The following CCDC3 variants were observed in gnomAD, a reference collection of about 807,000 sequenced individuals.
CCDC3 encodes coiled-coil domain-containing protein 3.
Under a neutral mutation model 21.4 loss-of-function variants are expected in CCDC3, and 24 were observed. The observed-to-expected ratio is 1.12, with a 90% CI of 0.81 to 1.58. The LOEUF (loss-of-function observed/expected upper bound fraction) is 1.58. Among genes scored for constraint, CCDC3 ranks in the 40% most tolerant of loss-of-function variants. CCDC3 has a pLI of 0.00. For missense variants in CCDC3, 425 were observed against 360.9 expected (o/e 1.18, Z -1.44); for synonymous variants, 186 against 166.0 (o/e 1.12, Z -0.93).
intron 2 of CCDC3, among the ~76,000 whole-genome samples, chr10:12,915,093 T>C (rs763566246): frequency 3.3e-5 from 5 of 152,150 alleles, no homozygotes; most frequent in Non-Finnish European, 7.4e-5. Flanking sequence ...CTTTGACCCA[T>C]TGGTGTTCAG....
At chr10:13,080,956 G>A (rs1237520846) in intron 3 of CCDC3, among the ~76,000 whole-genome samples, 3 of 152,208 alleles carry the variant, frequency 2.0e-5, no homozygotes, top group African/African-American at 4.8e-5. Flanking sequence ...CAGAGAGGCC[G>A]AGACCTCGAG....
At chr10:13,090,450 T>C (rs762485383) in intron 3 of CCDC3, among the ~76,000 whole-genome samples, 3 of 152,198 alleles carry the variant, frequency 2.0e-5, no homozygotes, top group Non-Finnish European at 4.4e-5. Context: ...ATTTTTGCAA[T>C]TGCAAATTGT....
chr10:12,948,904 T>TG (rs397767169), intron 2 of CCDC3, among the ~76,000 whole-genome samples: 5 of 150,966 alleles, frequency 3.3e-5, no homozygotes, highest in Admixed American at 6.6e-5. Flanking sequence ...GCTAATTTTT[T>TG]GTATTTTTAG....
At chr10:13,016,007 C>G (rs1836053727) in intron 5 of CCDC3, among the ~76,000 whole-genome samples, 1 of 151,910 alleles carries the variant, frequency 6.6e-6, no homozygotes. Context: ...CCTATATATC[C>G]TGATGTGAGT....
At chr10:12,960,852 G>A (rs1436610129) in intron 2 of CCDC3, among the ~76,000 whole-genome samples, 1 of 152,192 alleles carries the variant, frequency 6.6e-6, no homozygotes, top group African/African-American at 2.4e-5. Flanking sequence ...AACAAGCAGG[G>A]TAACATGTGG....
intron 2 of CCDC3, among the ~76,000 whole-genome samples, chr10:12,949,062 G>A (rs942036651): frequency 6.6e-6 from 1 of 152,032 alleles, no homozygotes; most frequent in Non-Finnish European, 1.5e-5. Flanking sequence ...CTCAGTAGCT[G>A]GGCCATGAGT....
chr10:13,001,318 G>A lies in CCDC3; in HGVS notation c.253C>T (p.Gln85Ter). 4.4e-6 allele frequency: 7 copies of A among 1,606,346 alleles called. No individual in the cohort carries two copies. The highest frequency in any genetic ancestry group is 5.9e-6 in the Non-Finnish European group (7 of 1,177,610). ...ACCTCCAGCATGCTGCCCCACGCCT[G>A]GTCGCACAGCATCTCGACCTCGGCC... ...YSAEVEMLCD[Q>*]AWGSMLEVPA... Residue 85 changes from glutamine (Q) to a stop codon, truncating the protein, a stop_gained, in exon 1 of 3, where the codon CAG becomes TAG. Coordinates refer to ENST00000378825, the MANE Select transcript of CCDC3 (RefSeq NM_031455.4). LOFTEE classifies it high-confidence loss of function.
At chr10:12,969,076 A>G (rs1265763222) in intron 2 of CCDC3, among the ~76,000 whole-genome samples, 2 of 152,218 alleles carry the variant, frequency 1.3e-5, no homozygotes, top group African/African-American at 4.8e-5. Context: ...AGAAGTTAAT[A>G]TTCAAAACAT....
Position 12,994,421 on chromosome 10 carries a change from A to AAAAAAC in CCDC3, c.549+3916_549+3917insGTTTTT, listed in dbSNP as rs1564313193. 2.4e-4 allele frequency among the ~76,000 whole-genome samples: 35 copies of AAAAAAC among 148,432 alleles called. 2 individuals are homozygous for AAAAAAC. Among genetic ancestry groups the AAAAAAC allele is most frequent in the African/African-American group, 8.7e-4 (33 of 38,076 alleles). ...TCAAAAACAAAACAAAACAAAAAAA[A>AAAAAAC]AAAACACCCAGCACCCAGCACCCAG... On this transcript the variant is annotated intron_variant, in intron 2 of 2. Coordinates refer to ENST00000378825, the MANE Select transcript of CCDC3 (RefSeq NM_031455.4).
chr10:13,083,486 T>C (rs1051256520), intron 3 of CCDC3, among the ~76,000 whole-genome samples: 2 of 152,248 alleles, frequency 1.3e-5, no homozygotes, highest in African/African-American at 4.8e-5. Context: ...TCCTTCAAGC[T>C]TCCTTGATTT....
At chr10:13,084,755 G>A (rs368965358) in intron 3 of CCDC3, among the ~76,000 whole-genome samples, 4 of 152,182 alleles carry the variant, frequency 2.6e-5, no homozygotes, top group African/African-American at 9.7e-5. Context: ...CCAGCAATCA[G>A]TGGATTACAG....
rs138715160 is a variant in CCDC3, at chr10:12,924,605, T to G, written c.550-25926A>C. On this transcript the variant is annotated intron_variant, in intron 2 of 2. Transcript: ENST00000378825. ...TTTCCAGTTTCTAATCCACTGTCTATGAATCTCTCAAAATCCCCAACTTCT... is the reference window on the plus strand; with the variant it reads ...TTTCCAGTTTCTAATCCACTGTCTAGGAATCTCTCAAAATCCCCAACTTCT... 4 of 152,348 alleles carry G rather than the reference T, an allele frequency of 2.6e-5. No individual in the cohort carries two copies. In the South Asian group the frequency reaches 8.3e-4, roughly 32 times the overall value. The allele number at this position is 152,348 out of a possible 1,614,324, so 9.4% of individuals were successfully genotyped here. A position where few individuals can be genotyped will look rare whatever the true frequency, so the allele number is the denominator to read the frequency against.
chr10:13,075,275 G>GT (rs1564340876), intron 3 of CCDC3, among the ~76,000 whole-genome samples: 1 of 152,090 alleles, frequency 6.6e-6, no homozygotes, highest in African/African-American at 2.4e-5. Flanking sequence ...TTTGTTTTGC[G>GT]TATCACTGTA....
chr10:13,028,128 C>T (rs11258141), intron 5 of CCDC3, among the ~76,000 whole-genome samples: 10,423 of 152,196 alleles, frequency 0.068, 459 homozygotes, highest in Middle Eastern at 0.15. Context: ...ATTACAGCTC[C>T]CATAATCCCC....
chr10:13,099,384 C>A (rs1832686819), intron 1 of CCDC3: 1 of 143,450 alleles, frequency 7.0e-6, no homozygotes, highest in Non-Finnish European at 1.5e-5. Flanking sequence ...CTCTCTCCCT[C>A]CCTCTCTCCC....
chr10:12,935,107 G>T (rs1374437368), intron 2 of CCDC3, among the ~76,000 whole-genome samples: 1 of 151,822 alleles, frequency 6.6e-6, no homozygotes, highest in East Asian at 1.9e-4. Flanking sequence ...GCCCTTGCTG[G>T]TCTCAAGCAA....
At chr10:13,084,290 T>TTA (rs1043342899) in intron 3 of CCDC3, among the ~76,000 whole-genome samples, 1 of 150,294 alleles carries the variant, frequency 6.7e-6, no homozygotes, top group Non-Finnish European at 1.5e-5. Context: ...TTCTTTTCTT[T>TTA]TTTTTTTTTT....
intron 2 of CCDC3, among the ~76,000 whole-genome samples, chr10:12,931,208 C>CA (rs67541166): frequency 0.23 from 17,241 of 74,826 alleles, 2,926 homozygotes; most frequent in East Asian, 0.33. Context: ...AAGACTCTGT[C>CA]AAAAAAAAAA....
rs188110543 is a variant in CCDC3 at position 13,058,526 on chromosome 10, T to A, written c.-269-8585A>T. ...TCTCTGTTCGTTACACAAACTATCA[T>A]CCTGTATTTGGGTGTGCTGTATTTA... On this transcript the variant is annotated intron_variant, in intron 4 of 6. Coordinates refer to the CCDC3 transcript ENST00000378839. The A allele has an allele frequency of 2.1e-4, 155 of 737,932 alleles. 1 individual carries two copies. In the East Asian group the frequency reaches 3.5e-3, roughly 16 times the overall value. 45.7% of individuals were successfully genotyped at this position (737,932 alleles called of 1,614,324 possible).
Sources: gnomAD v4.1 joint callset for allele counts (sites outside exome capture counted in the v4.1 genomes callset) on GRCh38, gnomAD v4.1.1 for gene constraint, MANE v1.5 for transcripts, NCBI Gene and HGNC (gene_info 2026-07-23, HGNC 2026-07-21) for gene names.